KCNH4: variants seen among roughly 807,000 people sequenced by gnomAD.
The protein encoded by KCNH4 is voltage-gated delayed rectifier potassium channel KCNH4.
KCNH4 carries 33 observed loss-of-function variants against 90.7 expected under a neutral mutation model. The ratio of observed to expected loss-of-function variants is 0.36; its 90% CI spans 0.28 to 0.49. KCNH4 has a LOEUF of 0.49. Ranked by LOEUF, KCNH4 falls within the 20% of genes least tolerant of loss-of-function variation. The probability of loss-of-function intolerance (pLI) is 0.98; values close to 1 mark genes in which losing one functional copy is unlikely to be tolerated. For missense variants in KCNH4, 1,044 were observed against 1,387.1 expected, an observed-to-expected ratio of 0.75 and a Z score of 3.93; for synonymous variants, 551 against 581.7, an observed-to-expected ratio of 0.95 and a Z score of 0.76.
intron 15 of KCNH4, among the ~76,000 whole-genome samples, chr17:42,161,972 T>C (rs1479260358): frequency 1.5e-4 from 22 of 149,610 alleles, no homozygotes; most frequent in African/African-American, 3.9e-4. Context: ...TTTTTTTTTT[T>C]CTGAGACAGA....
At chr17:42,160,655 A>ACG (rs1360359945) in intron 15 of KCNH4, among the ~76,000 whole-genome samples, 1 of 151,938 alleles carries the variant, frequency 6.6e-6, no homozygotes, top group African/African-American at 2.4e-5. Flanking sequence ...CTACACACAC[A>ACG]CGCGCGCGCG....
intron 6 of KCNH4, among the ~76,000 whole-genome samples, chr17:42,172,933 ACTT>A (rs1328500078): frequency 4.6e-5 from 7 of 151,634 alleles, no homozygotes; most frequent in Admixed American, 6.6e-5. Context: ...GTTTATGGAC[ACTT>A]CTTCTTGTGG....
At chr17:42,160,526 C>G (rs2079739125) in intron 15 of KCNH4, 91 bp from the exon 16 acceptor site, 2 of 1,378,250 alleles carry the variant, frequency 1.5e-6, no homozygotes, top group Non-Finnish European at 2.0e-6. Context: ...TTCGCAGCCA[C>G]TTTCTGCTCA....
intron 6 of KCNH4, among the ~76,000 whole-genome samples, chr17:42,173,251 G>A (rs1027387918): frequency 6.6e-6 from 1 of 151,804 alleles, no homozygotes; most frequent in Non-Finnish European, 1.5e-5. Context: ...TGGGCCTCCA[G>A]GAACATTCCC....
chr17:42,173,060 C>T (rs181527526), intron 6 of KCNH4, among the ~76,000 whole-genome samples: 50 of 151,750 alleles, frequency 3.3e-4, no homozygotes, highest in African/African-American at 1.2e-3. Context: ...GGTAAGTGTC[C>T]CATATTCACT....
chr17:42,169,382 C>A, intron 9 of KCNH4, 95 bp downstream of exon 9: 1 of 1,203,216 alleles, frequency 8.3e-7, no homozygotes, highest in East Asian at 2.4e-5. Flanking sequence ...GTTCGGCCTG[C>A]CTCCATTTTA....
Position 42,163,430 on chromosome 17 carries a change from C to G in KCNH4, c.2478-96G>C. ...GACTGGGGGCAGCAGTGCCAGGGGG[C>G]GGAGCAAGAGCAGCAGTCAAAGTGG... On this transcript the variant is annotated intron_variant, in intron 13 of 16. Coordinates refer to ENST00000264661, the MANE Select transcript of KCNH4 (RefSeq NM_012285.3). The surrounding 1 kb of genome is among the most constrained non-coding windows in gnomAD (Gnocchi z 5.4). The G allele has an allele frequency of 1.1e-6, 1 of 928,602 alleles. No individual in the cohort carries two copies. The allele number at this position is 928,602 out of a possible 1,614,324, so 57.5% of individuals were successfully genotyped here. A position where few individuals can be genotyped will look rare whatever the true frequency, so the allele number is the denominator to read the frequency against.
At chr17:42,179,798 G>A (rs1250827829) in intron 1 of KCNH4, among the ~76,000 whole-genome samples, 2 of 152,256 alleles carry the variant, frequency 1.3e-5, no homozygotes, top group African/African-American at 4.8e-5. Flanking sequence ...AAAGTCTAAT[G>A]GGAGAGGGCA....
intron 15 of KCNH4, among the ~76,000 whole-genome samples, chr17:42,161,953 T>TC (rs201822034): frequency 8.8e-6 from 1 of 114,138 alleles, no homozygotes; most frequent in Non-Finnish European, 1.9e-5. Flanking sequence ...TATCTCTCTC[T>TC]TTTTTTTTTT....
Position 42,178,320 on chromosome 17 carries a change from C to T in KCNH4, c.457+11G>A. The T allele has an allele frequency of 6.2e-7, 1 of 1,614,210 alleles. No individual in the cohort carries two copies. Among genetic ancestry groups the T allele is most frequent in the Non-Finnish European group, 8.5e-7 (1 of 1,179,994 alleles). ...TGACCATTCACACTGCCCGTCCGGA[C>T]TTGCTGTTACCGTGATTACTGTCCC... On this transcript the variant is annotated intron_variant, in intron 3 of 16. Coordinates refer to ENST00000264661, the MANE Select transcript of KCNH4 (RefSeq NM_012285.3).
chr17:42,162,411 G>T, intron 14 of KCNH4, 90 bp from the exon 15 acceptor site: 1 of 1,086,002 alleles, frequency 9.2e-7, no homozygotes, highest in East Asian at 2.5e-5. Context: ...TTGGGCAGGC[G>T]GAGAGCAGGG....
intron 15 of KCNH4, among the ~76,000 whole-genome samples, chr17:42,161,220 GC>G (rs1568030996): frequency 6.6e-6 from 1 of 152,166 alleles, no homozygotes; most frequent in Non-Finnish European, 1.5e-5. Flanking sequence ...GAGCCACCGC[GC>G]CCGGCCTATC....
In KCNH4 at chr17:42,180,566, AG is replaced by A. The variant is rs142077914; in HGVS notation, c.76+303del. On this transcript the variant is annotated intron_variant, in intron 1 of 16. Transcript: ENST00000264661. The surrounding 1 kb of genome is among the most constrained non-coding windows in gnomAD (Gnocchi z 4.7). ...CTCGGATACCCCCATACACGCCCCC[AG>A]CACAGCTCTGCCCGAGAGTGGGCGG... is the stretch of plus-strand genomic sequence containing the variant. Among the ~76,000 whole-genome samples, 1 of 150,822 alleles carries A rather than the reference AG, an allele frequency of 6.6e-6. No individual in the cohort carries two copies. The highest frequency in any genetic ancestry group is 2.0e-4 in the East Asian group (1 of 5,106).
Position 42,176,296 on chromosome 17 carries a change from T to G in KCNH4, c.587A>C (p.Asn196Thr). The change falls in exon 5 of 17, where the codon AAC (asparagine) becomes ACC (threonine). Residue 196 changes from asparagine to threonine, a missense_variant and splice_region_variant. Around this residue, in one of 4 missense-constraint regions of KCNH4, gnomAD observed 283 missense variants for 378.6 expected, o/e 0.75. Transcript: ENST00000264661. ...CACTGATGGCTTTGGCTCAAACACG[T>G]TCTAAGGGGAGAGGGGTGGCGGTTG... ...RGQGGMKANN[N>T]VFEPKPSVPE... 6.2e-7 allele frequency: 1 copy of G among 1,611,290 alleles called. No homozygotes were observed. The highest frequency in any genetic ancestry group is 1.1e-5 in the South Asian group (1 of 91,022).
At chr17:42,177,250 T>C (rs948794510) in intron 4 of KCNH4, among the ~76,000 whole-genome samples, 2 of 152,060 alleles carry the variant, frequency 1.3e-5, no homozygotes, top group African/African-American at 2.4e-5. Context: ...GGTTTCTCCA[T>C]GTTGGTCAGG....
chr17:42,162,401 T>G, intron 14 of KCNH4, 80 bp from the exon 15 acceptor site: 1 of 1,240,888 alleles, frequency 8.1e-7, no homozygotes, highest in Admixed American at 1.8e-5. Flanking sequence ...CCTCCTGTCA[T>G]TGGGCAGGCG....
chr17:42,160,343 GTGGCCTGGGGGACCCAGCC>G lies in KCNH4; in HGVS notation c.2732_2750del (p.Arg911ThrfsTer16). On this transcript the variant is annotated frameshift_variant, in exon 16 of 17. Transcript: ENST00000264661. LOFTEE classifies it high-confidence loss of function. ...CTGGGGTCCAAGCGGAGCCTGCTGG[GTGGCCTGGGGGACCCAGCC>G]TGGCCTGCAGCAGGCCCATGATGTG... is the stretch of plus-strand genomic sequence containing the variant. 6.2e-7 allele frequency: 1 copy of G among 1,614,132 alleles called. No homozygotes were observed. The highest frequency in any genetic ancestry group is 1.7e-5 in the Admixed American group (1 of 60,014).
Position 42,181,110 on chromosome 17 carries a change from T to C in KCNH4, c.-165A>G. 1 of 600,238 alleles carries C rather than the reference T, an allele frequency of 1.7e-6. No homozygotes were observed. The highest frequency in any genetic ancestry group is 2.9e-6 in the Non-Finnish European group (1 of 349,148). The allele number at this position is 600,238 out of a possible 1,614,324, so 37.2% of individuals were successfully genotyped here. On this transcript the variant is annotated 5_prime_UTR_variant, in exon 1 of 17. Transcript: ENST00000264661. ...GCCGCTGCCTCTGCTCCGAACCCCGTAGCTCTCGGCTCGGCTCAGCGCCGT... is the reference window on the plus strand; with the variant it reads ...GCCGCTGCCTCTGCTCCGAACCCCGCAGCTCTCGGCTCGGCTCAGCGCCGT...
At chr17:42,166,029 G>A (rs903691315) in intron 10 of KCNH4, among the ~76,000 whole-genome samples, 1 of 152,114 alleles carries the variant, frequency 6.6e-6, no homozygotes, top group African/African-American at 2.4e-5. Context: ...ATGGGGTTGG[G>A]AAGTGGAGCA....
Sources: gnomAD v4.1 joint callset for allele counts (sites outside exome capture counted in the v4.1 genomes callset) on GRCh38, gnomAD v4.1.1 for gene constraint, gnomAD v4.1.1 regional missense constraint, Gnocchi (gnomAD v3.1) non-coding constraint, MANE v1.5 for transcripts, NCBI Gene and HGNC (gene_info 2026-07-23, HGNC 2026-07-21) for gene names.